LEPR: variants seen among roughly 807,000 people sequenced by gnomAD.
LEPR encodes OB receptor.
In LEPR, 56 loss-of-function variants were observed where a neutral mutation model predicts 114.7. That is an observed-to-expected ratio of 0.49 (90% CI 0.39 to 0.61). The LOEUF (loss-of-function observed/expected upper bound fraction) is 0.61. Ranked by LOEUF, LEPR falls within the 20% of genes least tolerant of loss-of-function variation. LEPR has a pLI of 0.00. For missense variants in LEPR, 1,202 were observed against 1,352.9 expected (o/e 0.89, Z 1.75); for synonymous variants, 443 against 461.4 (o/e 0.96, Z 0.51).
chr1:65,463,981 T>A (rs1646978416), intron 2 of LEPR, among the ~76,000 whole-genome samples: 1 of 152,218 alleles, frequency 6.6e-6, no homozygotes, highest in East Asian at 1.9e-4. Context: ...CAGAGACAAT[T>A]TGACTTCCTC....
intron 2 of LEPR, among the ~76,000 whole-genome samples, chr1:65,468,518 G>A (rs1243294052): frequency 6.6e-6 from 1 of 152,104 alleles, no homozygotes; most frequent in African/African-American, 2.4e-5. Flanking sequence ...AAGTATTTTT[G>A]TTTTGTAACC....
intron 8 of LEPR, 129 bp downstream of exon 8, chr1:65,598,933 T>A (rs1656260421): frequency 7.1e-7 from 1 of 1,415,506 alleles, no homozygotes; most frequent in Admixed American, 2.1e-5. Context: ...ACTTCCTTGT[T>A]TAAACTTTGA....
chr1:65,600,991 G>C (rs547808052), intron 8 of LEPR, among the ~76,000 whole-genome samples: 1 of 151,864 alleles, frequency 6.6e-6, no homozygotes, highest in Non-Finnish European at 1.5e-5. Context: ...ATAGTGATTT[G>C]CTTTAAGAAC....
chr1:65,475,822 C>T (rs901213125), intron 2 of LEPR, among the ~76,000 whole-genome samples: 11 of 151,938 alleles, frequency 7.2e-5, no homozygotes, highest in African/African-American at 2.7e-4. Flanking sequence ...ACGAAACCAG[C>T]TTAGACAACA....
At chr1:65,490,814 C>G (rs1191429220) in intron 2 of LEPR, among the ~76,000 whole-genome samples, 1 of 152,078 alleles carries the variant, frequency 6.6e-6, no homozygotes, top group Non-Finnish European at 1.5e-5. Flanking sequence ...TGGTCTCCAC[C>G]CTCTTGGATG....
intron 2 of LEPR, among the ~76,000 whole-genome samples, chr1:65,438,696 ATTTTCT>A (rs939341029): frequency 4.6e-5 from 7 of 151,834 alleles, no homozygotes; most frequent in East Asian, 1.9e-4. Context: ...TGTCAGGAAA[ATTTTCT>A]TTTTCTTTTT....
chr1:65,532,687 C>CG (rs147191422), intron 2 of LEPR, among the ~76,000 whole-genome samples: 5,279 of 152,206 alleles, frequency 0.035, 143 homozygotes, highest in African/African-American at 0.067. Flanking sequence ...TGCTTCAACA[C>CG]GATGATCCTT....
chr1:65,437,316 T>C (rs1019611750), intron 2 of LEPR, among the ~76,000 whole-genome samples: 1 of 152,052 alleles, frequency 6.6e-6, no homozygotes, highest in African/African-American at 2.4e-5. Context: ...CTCCCTGGGC[T>C]CAAGCTATCC....
intron 2 of LEPR, among the ~76,000 whole-genome samples, chr1:65,506,573 A>T (rs1648741572): frequency 6.6e-6 from 1 of 152,218 alleles, no homozygotes; most frequent in African/African-American, 2.4e-5. Context: ...ATACTAGTCT[A>T]AGTCTTTTTT....
rs1658801816 is a variant in LEPR at position 65,639,273 on chromosome 1, C to T, written c.*2258C>T. The T allele has an allele frequency of 6.6e-6, 1 of 152,142 alleles. No individual in the cohort carries two copies. The highest frequency in any genetic ancestry group is 1.5e-5 in the Non-Finnish European group (1 of 68,036). The allele number at this position is 152,142 out of a possible 1,614,324, so 9.4% of individuals were successfully genotyped here. On this transcript the variant is annotated 3_prime_UTR_variant, in exon 20 of 20. Transcript: ENST00000349533. The stretch of plus-strand genomic sequence containing the variant: ...ACCATCTTGGTTCAGCCTCAGTTCC[C>T]CAGATAAGTGAACAAATGAACAAAA...
At chr1:65,484,817 A>G (rs1277220337) in intron 2 of LEPR, among the ~76,000 whole-genome samples, 2 of 152,198 alleles carry the variant, frequency 1.3e-5, no homozygotes, top group Non-Finnish European at 2.9e-5. Flanking sequence ...GCATCCTTCA[A>G]TATGGTTTAC....
chr1:65,610,749 C>T (rs987090755), intron 14 of LEPR, among the ~76,000 whole-genome samples: 1 of 152,172 alleles, frequency 6.6e-6, no homozygotes, highest in African/African-American at 2.4e-5. Flanking sequence ...TGGATAGTCC[C>T]ATATATGATG....
At chr1:65,531,314 C>T (rs1358645290) in intron 2 of LEPR, among the ~76,000 whole-genome samples, 1 of 152,138 alleles carries the variant, frequency 6.6e-6, no homozygotes, top group African/African-American at 2.4e-5. Context: ...TTTAAGTCTT[C>T]GTTCAAATGT....
At chr1:65,459,836 G>T (rs1453873499) in intron 2 of LEPR, among the ~76,000 whole-genome samples, 1 of 152,048 alleles carries the variant, frequency 6.6e-6, no homozygotes, top group African/African-American at 2.4e-5. Flanking sequence ...TCTGTTATTT[G>T]CACACTCCAA....
chr1:65,507,495 G>A (rs1469234414), intron 2 of LEPR, among the ~76,000 whole-genome samples: 27 of 139,558 alleles, frequency 1.9e-4, no homozygotes, highest in African/African-American at 6.8e-4. Context: ...GTATATATGT[G>A]TGTGTATATA....
At chr1:65,457,578 A>G (rs1428959378) in intron 2 of LEPR, among the ~76,000 whole-genome samples, 1 of 152,186 alleles carries the variant, frequency 6.6e-6, no homozygotes, top group Non-Finnish European at 1.5e-5. Flanking sequence ...TTACACGCAT[A>G]CTGGTCAAGT....
At position 65,601,954 on chromosome 1, in the gene LEPR, A is replaced by G; in HGVS notation, c.1397A>G (p.Tyr466Cys). The change falls in exon 10 of 20, where the codon TAT becomes TGT. Residue 466 changes from tyrosine (Y) to cysteine (C), a missense_variant. Tyr to Cys is a radical substitution (Grantham distance 194). Transcript: ENST00000349533. ...SLAESTLQLR[Y>C]HRSSLYCSDI... ...GCGGAAAGCACTTTGCAATTGAGGT[A>G]TCATAGGTACGTATTATTTTTGCTG... is the stretch of plus-strand genomic sequence containing the variant. 1.9e-6 allele frequency: 3 copies of G among 1,612,588 alleles called. No homozygotes were observed. The highest frequency in any genetic ancestry group is 2.5e-6 in the Non-Finnish European group (3 of 1,178,658).
chr1:65,485,117 C>T (rs1237955068), intron 2 of LEPR, among the ~76,000 whole-genome samples: 1 of 152,134 alleles, frequency 6.6e-6, no homozygotes, highest in Admixed American at 6.5e-5. Flanking sequence ...GGTTCAAATT[C>T]CATCCATGCC....
intron 2 of LEPR, among the ~76,000 whole-genome samples, chr1:65,543,438 C>G (rs1472529465): frequency 6.6e-6 from 1 of 151,966 alleles, no homozygotes; most frequent in Non-Finnish European, 1.5e-5. Flanking sequence ...ATGATAGTTT[C>G]TTTTGCTGTG....
Sources: gnomAD v4.1 joint callset for allele counts (sites outside exome capture counted in the v4.1 genomes callset) on GRCh38, gnomAD v4.1.1 for gene constraint, MANE v1.5 for transcripts, NCBI Gene and HGNC (gene_info 2026-07-23, HGNC 2026-07-21) for gene names.